Variants in LRRTM3 observed in about 807,000 individuals in gnomAD.
LRRTM3 encodes the protein leucine rich repeat transmembrane neuronal 3.
A neutral mutation model predicts 44.7 loss-of-function variants in LRRTM3; 24 were observed. The observed-to-expected ratio is 0.54, with a 90% CI of 0.39 to 0.76. The LOEUF (loss-of-function observed/expected upper bound fraction) is 0.76. Ranked by LOEUF, LRRTM3 falls within the 30% of genes least tolerant of loss-of-function variation. The probability of loss-of-function intolerance (pLI) is 0.00; values close to 1 mark genes in which losing one functional copy is unlikely to be tolerated. For missense variants in LRRTM3, 587 were observed against 702.2 expected, an observed-to-expected ratio of 0.84 and a Z score of 1.85; for synonymous variants, 277 against 278.7, an observed-to-expected ratio of 0.99 and a Z score of 0.06.
intron 2 of LRRTM3, among the ~76,000 whole-genome samples, chr10:67,064,352 C>CA (rs1362404378): frequency 1.3e-5 from 2 of 151,984 alleles, no homozygotes; most frequent in Non-Finnish European, 2.9e-5. Flanking sequence ...TGAAGCTCCA[C>CA]AAAAAATATG....
intron 2 of LRRTM3, among the ~76,000 whole-genome samples, chr10:66,995,023 T>C (rs1851251587): frequency 6.6e-6 from 1 of 152,180 alleles, no homozygotes; most frequent in Admixed American, 6.5e-5. Flanking sequence ...TGCCTTCTCA[T>C]TCCAAGTATA....
At chr10:66,945,932 A>G (rs1036779757) in intron 2 of LRRTM3, among the ~76,000 whole-genome samples, 3 of 152,144 alleles carry the variant, frequency 2.0e-5, no homozygotes, top group Admixed American at 2.0e-4. Context: ...TGTAGTTTGA[A>G]GGACCCCAAA....
chr10:67,098,852 A>T lies in LRRTM3; in HGVS notation c.*1056A>T, dbSNP rs933071182. The T allele has an allele frequency of 6.6e-6, 1 of 151,926 alleles. No homozygotes were observed. Among genetic ancestry groups the T allele is most frequent in the African/African-American group, 2.4e-5 (1 of 41,416 alleles). The allele number at this position is 151,926 out of a possible 1,614,324, so 9.4% of individuals were successfully genotyped here. On this transcript the variant is annotated 3_prime_UTR_variant, in exon 3 of 3. Transcript: ENST00000361320. ...GTTTACCTAAAAGTAACCATCAGTC[A>T]GTGCAAAATGTGCCTGGTTCTTAAG...
intron 2 of LRRTM3, among the ~76,000 whole-genome samples, chr10:66,980,668 G>A (rs532702464): frequency 9.2e-5 from 14 of 152,234 alleles, no homozygotes; most frequent in Admixed American, 7.8e-4. Context: ...ATAAAATTTT[G>A]TCACTTCAGT....
chr10:67,082,008 A>C (rs908350184), intron 2 of LRRTM3, among the ~76,000 whole-genome samples: 4 of 152,228 alleles, frequency 2.6e-5, no homozygotes, highest in African/African-American at 9.6e-5. Flanking sequence ...CCTGAAACTT[A>C]ATGTTCACAA....
At chr10:67,007,768 T>A (rs548559571) in intron 2 of LRRTM3, among the ~76,000 whole-genome samples, 18 of 151,154 alleles carry the variant, frequency 1.2e-4, no homozygotes, top group African/African-American at 2.2e-4. Context: ...ATAGTATTTT[T>A]AAAAAAAAAG....
chr10:66,969,366 A>C (rs1340598770), intron 2 of LRRTM3, among the ~76,000 whole-genome samples: 2 of 152,106 alleles, frequency 1.3e-5, no homozygotes, highest in Non-Finnish European at 2.9e-5. Flanking sequence ...TAATGGCCTC[A>C]TATCGTTCCA....
intron 2 of LRRTM3, among the ~76,000 whole-genome samples, chr10:66,976,144 A>C (rs1339362860): frequency 2.0e-5 from 3 of 152,190 alleles, no homozygotes; most frequent in Admixed American, 6.5e-5. Flanking sequence ...TTTGTAAAAC[A>C]TATGTTCTTG....
At chr10:66,932,224 G>A (rs1298689743) in intron 2 of LRRTM3, among the ~76,000 whole-genome samples, 1 of 152,198 alleles carries the variant, frequency 6.6e-6, no homozygotes, top group Non-Finnish European at 1.5e-5. Context: ...TTCTGGGGAA[G>A]GATAATGCAG....
intron 2 of LRRTM3, among the ~76,000 whole-genome samples, chr10:67,055,675 CT>C (rs1181236094): frequency 1.3e-5 from 2 of 152,088 alleles, no homozygotes; most frequent in Non-Finnish European, 2.9e-5. Flanking sequence ...GGGCTTTGTT[CT>C]TTGTAAGAAT....
intron 2 of LRRTM3, among the ~76,000 whole-genome samples, chr10:66,939,507 A>C (rs909682767): frequency 1.3e-5 from 2 of 152,220 alleles, no homozygotes; most frequent in African/African-American, 2.4e-5. Context: ...ATTTGTATTC[A>C]ACTCTTTTGT....
chr10:67,012,079 C>T (rs1001828592), intron 2 of LRRTM3, among the ~76,000 whole-genome samples: 2 of 152,142 alleles, frequency 1.3e-5, no homozygotes, highest in African/African-American at 2.4e-5. Context: ...TCACAAGCTC[C>T]GTAGATACAA....
intron 2 of LRRTM3, among the ~76,000 whole-genome samples, chr10:66,964,355 C>A (rs958613439): frequency 1.3e-5 from 2 of 150,446 alleles, no homozygotes; most frequent in African/African-American, 2.4e-5. Context: ...TGTGCTTTTT[C>A]ATAAATCACT....
At chr10:66,930,890 C>T (rs1270383749) in intron 2 of LRRTM3, among the ~76,000 whole-genome samples, 2 of 152,062 alleles carry the variant, frequency 1.3e-5, no homozygotes, top group Non-Finnish European at 2.9e-5. Context: ...AAAGTTCTTT[C>T]TTTCTCCTCA....
chr10:66,980,196 G>A (rs955398700), intron 2 of LRRTM3, among the ~76,000 whole-genome samples: 1 of 152,086 alleles, frequency 6.6e-6, no homozygotes, highest in African/African-American at 2.4e-5. Context: ...CTGACCTACG[G>A]CAGTCAATAA....
chr10:66,979,765 G>A (rs1850302850), intron 2 of LRRTM3, among the ~76,000 whole-genome samples: 1 of 152,108 alleles, frequency 6.6e-6, no homozygotes, highest in Non-Finnish European at 1.5e-5. Flanking sequence ...TATCATAATA[G>A]AACTACAGCT....
intron 2 of LRRTM3, among the ~76,000 whole-genome samples, chr10:67,087,276 G>A (rs1389815532): frequency 3.3e-5 from 5 of 152,024 alleles, no homozygotes; most frequent in Non-Finnish European, 7.4e-5. Context: ...GAGTCCATTA[G>A]TGGAAAAGCT....
chr10:66,978,146 G>T (rs1275688129), intron 2 of LRRTM3, among the ~76,000 whole-genome samples: 1 of 151,760 alleles, frequency 6.6e-6, no homozygotes. Flanking sequence ...ATGGGGAGTT[G>T]CTATTCAATA....
chr10:67,073,927 A>G (rs1856595745), intron 2 of LRRTM3, among the ~76,000 whole-genome samples: 1 of 152,214 alleles, frequency 6.6e-6, no homozygotes, highest in Admixed American at 6.5e-5. Context: ...CAATAACAAA[A>G]TGTAACTAAT....
Sources: allele counts gnomAD v4.1 joint callset (sites outside exome capture counted in the v4.1 genomes callset), GRCh38; gene constraint gnomAD v4.1.1; transcripts MANE v1.5; gene names NCBI Gene and HGNC (gene_info 2026-07-23, HGNC 2026-07-21).